XG: variants seen among roughly 807,000 people sequenced by gnomAD.
XG encodes the protein glycoprotein Xg.
A neutral mutation model predicts 25.7 loss-of-function variants in XG; 24 were observed. The ratio of observed to expected loss-of-function variants is 0.93; its 90% CI spans 0.68 to 1.31. The LOEUF is 1.31. XG is among the 40% of genes most tolerant of loss of function. XG has a pLI of 0.00. For synonymous variants in XG, 77 were observed against 69.2 expected (o/e 1.11, Z -0.56); for missense variants, 181 against 187.6 (o/e 0.96, Z 0.21).
chrX:2,804,590 C>T (rs938622545), intron 7 of XG, among the ~76,000 whole-genome samples: 2 of 111,699 alleles, frequency 1.8e-5, no homozygotes, highest in African/African-American at 6.5e-5. Flanking sequence ...TCACCCCATG[C>T]ACGATTCTCT....
intron 1 of XG, among the ~76,000 whole-genome samples, chrX:2,763,815 C>G (rs778529174): frequency 1.3e-5 from 2 of 152,184 alleles, no homozygotes; most frequent in Admixed American, 1.3e-4. Context: ...TCGGAATAAA[C>G]GCCTCACTTC....
intron 1 of XG, among the ~76,000 whole-genome samples, chrX:2,755,670 G>T (rs2050418629): frequency 6.6e-6 from 1 of 152,148 alleles, no homozygotes; most frequent in Non-Finnish European, 1.5e-5. Context: ...CCTTAGGGAG[G>T]TTACAGGAGG....
Position 2,808,519 on chromosome X carries a change from T to C in XG, c.454+299T>C. 4.2e-6 allele frequency: 4 copies of C among 960,674 alleles called. No homozygotes were observed. In the South Asian group the frequency reaches 1.2e-4, roughly 28 times the overall value. The allele number at this position is 960,674 out of a possible 1,213,427, so 79.2% of individuals were successfully genotyped here. On this transcript the variant is annotated intron_variant, in intron 9 of 10. Transcript: ENST00000644266. ...TATTACATTTCTCCCAGTACCACCA[T>C]TACTCCCCTTTCTTTGACCAGCACT...
At chrX:2,809,944 A>G (rs1684450654) in intron 9 of XG, among the ~76,000 whole-genome samples, 1 of 112,404 alleles carries the variant, frequency 8.9e-6, no homozygotes. Context: ...TCTGTTGGCT[A>G]AAGCCTGGAT....
At position 2,801,908 on chromosome X, in the gene XG, C is replaced by A. The variant is rs369166162; in HGVS notation, c.373+4548C>A. ...ATTTTTAGTAGAGACGGGGTTTCAC[C>A]GTGTTAGCCAGGATGATCTCGATCT... On this transcript the variant is annotated intron_variant, in intron 7 of 10. Transcript: ENST00000644266. 1.7e-3 allele frequency among the ~76,000 whole-genome samples: 186 copies of A among 109,785 alleles called. 3 individuals carry two copies. The highest frequency in any genetic ancestry group is 6.9e-3 in the East Asian group (24 of 3,455).
At chrX:2,810,553 G>A (rs1321065175) in intron 9 of XG, among the ~76,000 whole-genome samples, 2 of 111,665 alleles carry the variant, frequency 1.8e-5, no homozygotes, top group Non-Finnish European at 1.9e-5. Flanking sequence ...AGGAGGCGGA[G>A]GCAGGAGGAT....
At chrX:2,777,418 AT>A (rs1461836120) in intron 3 of XG, among the ~76,000 whole-genome samples, 2 of 152,170 alleles carry the variant, frequency 1.3e-5, no homozygotes, top group Non-Finnish European at 2.9e-5. Flanking sequence ...TACAAAAAAA[AT>A]GAAGAGTAAA....
At chrX:2,790,520 A>AG (rs2086827341) in intron 5 of XG, among the ~76,000 whole-genome samples, 1 of 104,681 alleles carries the variant, frequency 9.6e-6, no homozygotes, top group Non-Finnish European at 2.0e-5. Context: ...AAAAAAAAAA[A>AG]AAGAAGTGCT....
chrX:2,755,882 G>A (rs1475018646), intron 1 of XG, among the ~76,000 whole-genome samples: 2 of 151,968 alleles, frequency 1.3e-5, no homozygotes, highest in Admixed American at 6.6e-5. Flanking sequence ...TGATTGCTAT[G>A]AAGTACTTAA....
chrX:2,761,052 T>C (rs312231), intron 1 of XG, among the ~76,000 whole-genome samples: 94,969 of 151,934 alleles, frequency 0.63, 31,121 homozygotes, highest in South Asian at 0.81. Flanking sequence ...ACAAACACAT[T>C]TGTATTCCAA....
chrX:2,810,859 T>A, intron 9 of XG, among the ~76,000 whole-genome samples: 1 of 111,042 alleles, frequency 9.0e-6, no homozygotes, highest in Non-Finnish European at 1.9e-5. Context: ...GAGGTTGCAG[T>A]GAACTGAGAT....
intron 10 of XG, among the ~76,000 whole-genome samples, chrX:2,812,166 C>A (rs1223186158): frequency 9.0e-6 from 1 of 110,990 alleles, no homozygotes; most frequent in Non-Finnish European, 1.9e-5. Flanking sequence ...TGCCCAGAAC[C>A]CCACCCGCAA....
At chrX:2,799,187 C>A (rs1279620392) in intron 7 of XG, among the ~76,000 whole-genome samples, 1 of 110,725 alleles carries the variant, frequency 9.0e-6, no homozygotes, top group African/African-American at 3.3e-5. Context: ...TATGTCATCA[C>A]CCAGGCAATA....
intron 3 of XG, among the ~76,000 whole-genome samples, chrX:2,778,343 G>C (rs1422830940): frequency 6.6e-6 from 1 of 152,134 alleles, no homozygotes; most frequent in African/African-American, 2.4e-5. Flanking sequence ...AGGAGTTTGA[G>C]ACTAGCCTGG....
intron 7 of XG, among the ~76,000 whole-genome samples, chrX:2,806,439 C>T (rs1387926324): frequency 4.5e-5 from 5 of 109,927 alleles, no homozygotes; most frequent in African/African-American, 1.3e-4. Flanking sequence ...TTTTTTATGC[C>T]GAAGAAAACA....
intron 3 of XG, chrX:2,775,037 G>A (rs1157739755): frequency 5.0e-6 from 2 of 398,436 alleles, no homozygotes; most frequent in Non-Finnish European, 9.2e-6. Flanking sequence ...AGTCTAAAAT[G>A]GTACAGCCAC....
intron 7 of XG, among the ~76,000 whole-genome samples, chrX:2,805,139 G>A (rs2086982885): frequency 3.6e-5 from 4 of 112,641 alleles, no homozygotes; most frequent in Middle Eastern, 4.6e-3. Context: ...GAGGCAGAGC[G>A]TGTTAGGCTT....
At chrX:2,759,724 C>A (rs772166423) in intron 1 of XG, among the ~76,000 whole-genome samples, 2 of 152,246 alleles carry the variant, frequency 1.3e-5, no homozygotes, top group South Asian at 2.1e-4. Flanking sequence ...CCTGTGAGGG[C>A]CCCCCTCATT....
chrX:2,765,137 G>A (rs2050651961), intron 1 of XG, among the ~76,000 whole-genome samples: 1 of 150,074 alleles, frequency 6.7e-6, no homozygotes, highest in Non-Finnish European at 1.5e-5. Flanking sequence ...CACGAGGTCA[G>A]GAGTTTGAGA....
Sources: allele counts gnomAD v4.1 joint callset (sites outside exome capture counted in the v4.1 genomes callset), GRCh38; gene constraint gnomAD v4.1.1; transcripts MANE v1.5; gene names NCBI Gene and HGNC (gene_info 2026-07-23, HGNC 2026-07-21).